The following FNDC3B variants were observed in gnomAD, a reference collection of about 807,000 sequenced individuals.
The protein encoded by FNDC3B is fibronectin type III domain-containing protein 3B.
A neutral mutation model predicts 151.5 loss-of-function variants in FNDC3B; 12 were observed. The observed-to-expected ratio is 0.08, with a 90% CI of 0.05 to 0.13. The LOEUF (loss-of-function observed/expected upper bound fraction) is 0.13. Among genes scored for constraint, FNDC3B ranks in the 10% least tolerant of loss-of-function variants. FNDC3B has a pLI of 1.00. For synonymous variants in FNDC3B, 528 were observed against 549.0 expected (o/e 0.96, Z 0.54); for missense variants, 1,214 against 1,505.3 (o/e 0.81, Z 3.20).
chr3:172,215,969 C>T (rs1402303976), intron 3 of FNDC3B, among the ~76,000 whole-genome samples: 3 of 152,110 alleles, frequency 2.0e-5, no homozygotes, highest in African/African-American at 7.2e-5. Context: ...TGTTCCTATT[C>T]ACCTCTCCTG....
At chr3:172,167,222 C>G (rs1335006013) in intron 3 of FNDC3B, among the ~76,000 whole-genome samples, 1 of 152,146 alleles carries the variant, frequency 6.6e-6, no homozygotes, top group East Asian at 1.9e-4. Context: ...ATGGCGAAAC[C>G]CCATCTTTAT....
At chr3:172,108,543 C>A (rs1719794464) in intron 1 of FNDC3B, among the ~76,000 whole-genome samples, 7 of 152,228 alleles carry the variant, frequency 4.6e-5, no homozygotes, top group Admixed American at 2.0e-4. Flanking sequence ...GTTAAGTCCA[C>A]GTGTAGTTTT....
intron 3 of FNDC3B, among the ~76,000 whole-genome samples, chr3:172,146,627 G>A (rs1393714933): frequency 6.6e-6 from 1 of 152,144 alleles, no homozygotes; most frequent in African/African-American, 2.4e-5. Context: ...GCTTTCCCAC[G>A]TACATTTCAG....
chr3:172,071,700 A>G (rs1379447572), intron 1 of FNDC3B, among the ~76,000 whole-genome samples: 2 of 152,182 alleles, frequency 1.3e-5, no homozygotes, highest in Non-Finnish European at 2.9e-5. Flanking sequence ...GCTGGTTGTC[A>G]CACACATTCA....
At chr3:172,238,345 A>C (rs1727275135) in intron 4 of FNDC3B, among the ~76,000 whole-genome samples, 1 of 152,040 alleles carries the variant, frequency 6.6e-6, no homozygotes, top group South Asian at 2.1e-4. Context: ...TTATAGAGAT[A>C]AGGTTTTGCC....
intron 4 of FNDC3B, among the ~76,000 whole-genome samples, chr3:172,244,128 G>A (rs1410701134): frequency 4.6e-5 from 7 of 152,252 alleles, no homozygotes; most frequent in Admixed American, 4.6e-4. Flanking sequence ...TTACTGTTGA[G>A]CACTTATTTT....
intron 11 of FNDC3B, among the ~76,000 whole-genome samples, chr3:172,325,025 T>A (rs1732272014): frequency 6.6e-6 from 1 of 152,116 alleles, no homozygotes; most frequent in African/African-American, 2.4e-5. Context: ...AAGCTCTTAC[T>A]CTCCTCTGTG....
chr3:172,245,108 G>C (rs1309986739), intron 4 of FNDC3B, among the ~76,000 whole-genome samples: 2 of 150,954 alleles, frequency 1.3e-5, no homozygotes, highest in Admixed American at 1.3e-4. Context: ...CAGGCAATTT[G>C]TGGTTTCAAA....
chr3:172,162,110 T>TG (rs1325650953), intron 3 of FNDC3B, among the ~76,000 whole-genome samples: 1 of 151,990 alleles, frequency 6.6e-6, no homozygotes, highest in African/African-American at 2.4e-5. Flanking sequence ...CCTGAGTAGC[T>TG]GGGACCACAG....
chr3:172,314,059 T>A (rs1731657279), intron 11 of FNDC3B, among the ~76,000 whole-genome samples: 1 of 152,218 alleles, frequency 6.6e-6, no homozygotes, highest in Non-Finnish European at 1.5e-5. Context: ...TGGCCATCCC[T>A]CTGAATCCTT....
At chr3:172,056,616 C>A (rs934920140) in intron 1 of FNDC3B, among the ~76,000 whole-genome samples, 8 of 152,196 alleles carry the variant, frequency 5.3e-5, no homozygotes, top group African/African-American at 1.9e-4. Context: ...TATGCTCAAT[C>A]TCTGTGTCTT....
At chr3:172,270,262 T>C (rs1729134243) in intron 6 of FNDC3B, among the ~76,000 whole-genome samples, 1 of 152,260 alleles carries the variant, frequency 6.6e-6, no homozygotes, top group Non-Finnish European at 1.5e-5. Flanking sequence ...GCTTTAGCTG[T>C]TGTTCCCTTA....
chr3:172,384,393 C>A (rs1735603283), intron 25 of FNDC3B, among the ~76,000 whole-genome samples: 1 of 152,096 alleles, frequency 6.6e-6, no homozygotes. Context: ...GTAATTGTTT[C>A]ATTTTACCAG....
In FNDC3B at chr3:172,225,424, G is replaced by A. The variant is rs185298452; in HGVS notation, c.188-1447G>A. ...CTGGGCTCAAGTGAGCCACAGTGCT[G>A]AGCCTTGTCTTCTGGTTTGTTGAAG... On this transcript the variant is annotated intron_variant, in intron 3 of 25. Transcript: ENST00000415807. 5 of 227,348 alleles carry A rather than the reference G, an allele frequency of 2.2e-5. No homozygotes were observed. In the East Asian group the frequency reaches 5.4e-4, roughly 24 times the overall value. 14.1% of individuals were successfully genotyped at this position (227,348 alleles called of 1,614,324 possible).
At chr3:172,382,190 A>T (rs1159806706) in intron 25 of FNDC3B, among the ~76,000 whole-genome samples, 1 of 152,176 alleles carries the variant, frequency 6.6e-6, no homozygotes, top group Non-Finnish European at 1.5e-5. Context: ...GGTATCTCAT[A>T]GTAGTTTTGA....
chr3:172,232,610 G>A (rs960628739), intron 4 of FNDC3B, among the ~76,000 whole-genome samples: 4 of 152,010 alleles, frequency 2.6e-5, no homozygotes, highest in Admixed American at 2.6e-4. Flanking sequence ...AGAGGTAGAG[G>A]GATTCTTTTC....
At chr3:172,131,396 G>GAAA (rs1236059229) in intron 2 of FNDC3B, among the ~76,000 whole-genome samples, 5 of 106,302 alleles carry the variant, frequency 4.7e-5, no homozygotes, top group Admixed American at 9.8e-5. Flanking sequence ...TCCGTCTCAA[G>GAAA]AAAAAAAAAA....
At chr3:172,210,551 C>CT (rs202179101) in intron 3 of FNDC3B, among the ~76,000 whole-genome samples, 16 of 150,924 alleles carry the variant, frequency 1.1e-4, no homozygotes, top group South Asian at 4.2e-4. Context: ...AATCTCACTT[C>CT]TTTTTTTTTG....
chr3:172,087,117 A>G (rs1160923656), intron 1 of FNDC3B, among the ~76,000 whole-genome samples: 1 of 152,230 alleles, frequency 6.6e-6, no homozygotes, highest in South Asian at 2.1e-4. Context: ...AATGAGAAGG[A>G]TAATTTTGAG....
Sources: allele counts gnomAD v4.1 joint callset (sites outside exome capture counted in the v4.1 genomes callset), GRCh38; gene constraint gnomAD v4.1.1; transcripts MANE v1.5; gene names NCBI Gene and HGNC (gene_info 2026-07-23, HGNC 2026-07-21).